The following EBF2 variants were observed in gnomAD, a reference collection of about 807,000 sequenced individuals.
EBF2 encodes EBF transcription factor 2.
A neutral mutation model predicts 72.8 loss-of-function variants in EBF2; 21 were observed. The observed-to-expected ratio is 0.29, with a 90% confidence interval of 0.20 to 0.42. The LOEUF (loss-of-function observed/expected upper bound fraction) is 0.42, where lower values mean the gene tolerates loss of function less well. Ranked by LOEUF, EBF2 falls within the 10% of genes least tolerant of loss-of-function variation. The pLI is 1.00. For missense variants in EBF2, 637 were observed against 731.2 expected, an observed-to-expected ratio of 0.87 and a Z score of 1.49; for synonymous variants, 299 against 274.2, an observed-to-expected ratio of 1.09 and a Z score of -0.89.
Position 26,042,164 on chromosome 8 carries a change from G to C in EBF2, c.219C>G (p.Leu73=). The C allele has an allele frequency of 6.2e-7, 1 of 1,614,204 alleles. No homozygotes were observed. Among genetic ancestry groups the C allele is most frequent in the South Asian group, 1.1e-5 (1 of 91,082 alleles). ...CCACCGGCTGGCCCTGCCTGTCATA[G>C]AGCGCCAGGACGAAGTGAAAGAAGT... The part of the protein sequence containing the change: ...KSNFFHFVLA[L]YDRQGQPVEI... The change falls in exon 2 of 16, where the codon CTC becomes CTG. Residue 73 remains leucine (L), a synonymous_variant. Transcript: ENST00000520164.
chr8:25,846,752 T>G (rs17054451), intron 15 of EBF2, among the ~76,000 whole-genome samples: 2,302 of 152,238 alleles, frequency 0.015, 114 homozygotes, highest in Admixed American at 0.092. Context: ...AAGGGGCTCA[T>G]GTAACAGCAG....
intron 6 of EBF2, among the ~76,000 whole-genome samples, chr8:26,028,293 C>T (rs1244951629): frequency 6.6e-6 from 1 of 152,108 alleles, no homozygotes; most frequent in Non-Finnish European, 1.5e-5. Context: ...AACACATCAA[C>T]ACTTAAAATG....
At chr8:25,907,931 G>A (rs181805100) in intron 7 of EBF2, among the ~76,000 whole-genome samples, 1 of 152,246 alleles carries the variant, frequency 6.6e-6, no homozygotes, top group Non-Finnish European at 1.5e-5. Flanking sequence ...TACATCAGTG[G>A]CAAGGGTGAT....
At chr8:25,971,695 G>C (rs1462843975) in intron 6 of EBF2, among the ~76,000 whole-genome samples, 1 of 152,114 alleles carries the variant, frequency 6.6e-6, no homozygotes, top group Non-Finnish European at 1.5e-5. Context: ...TCTTTGGCTT[G>C]TTACTGGCTA....
chr8:26,026,209 G>A (rs1805300549), intron 6 of EBF2, among the ~76,000 whole-genome samples: 1 of 152,128 alleles, frequency 6.6e-6, no homozygotes, highest in South Asian at 2.1e-4. Flanking sequence ...CCTGGGGCCA[G>A]GTTTCTGTGG....
chr8:25,917,190 TGGTTTGG>T (rs1803231874), intron 6 of EBF2, among the ~76,000 whole-genome samples: 1 of 133,088 alleles, frequency 7.5e-6, no homozygotes, highest in African/African-American at 2.7e-5. Flanking sequence ...TGTGTGTTTG[TGGTTTGG>T]GGTTTTTTTT....
chr8:26,002,821 A>C (rs1804753882), intron 6 of EBF2, among the ~76,000 whole-genome samples: 1 of 149,472 alleles, frequency 6.7e-6, no homozygotes, highest in Non-Finnish European at 1.5e-5. Context: ...GTTAAAGCCA[A>C]CGGGACAGGC....
chr8:26,038,749 G>C (rs1235400080), intron 5 of EBF2, among the ~76,000 whole-genome samples: 1 of 152,264 alleles, frequency 6.6e-6, no homozygotes, highest in South Asian at 2.1e-4. Context: ...ACTCCAGCAA[G>C]GAAGCCTCCA....
At chr8:25,994,696 C>G (rs1016745445) in intron 6 of EBF2, among the ~76,000 whole-genome samples, 1 of 152,152 alleles carries the variant, frequency 6.6e-6, no homozygotes, top group African/African-American at 2.4e-5. Context: ...AGCAGAAAAC[C>G]AAATGCTGCA....
chr8:25,845,472 C>G (rs768617728), intron 15 of EBF2, among the ~76,000 whole-genome samples: 2 of 152,186 alleles, frequency 1.3e-5, no homozygotes, highest in African/African-American at 4.8e-5. Flanking sequence ...GTGATCCACC[C>G]ACCTCAGCCT....
chr8:25,960,194 G>A (rs919745837), intron 6 of EBF2, among the ~76,000 whole-genome samples: 1 of 152,206 alleles, frequency 6.6e-6, no homozygotes, highest in African/African-American at 2.4e-5. Context: ...CTTGCTCAAA[G>A]ATGAAAGAGT....
chr8:26,011,538 T>C (rs1157506600), intron 6 of EBF2, among the ~76,000 whole-genome samples: 1 of 152,000 alleles, frequency 6.6e-6, no homozygotes, highest in East Asian at 1.9e-4. Flanking sequence ...TCCTTCGGTC[T>C]GATGCTGCAA....
chr8:25,907,629 C>CAGGCGAAACATGAGGCGAAACATGAG (rs1445582831), intron 7 of EBF2, among the ~76,000 whole-genome samples: 6 of 151,922 alleles, frequency 3.9e-5, no homozygotes, highest in African/African-American at 1.5e-4. Context: ...TCCAGAACCT[C>CAGGCGAAACATGAGGCGAAACATGAG]GCTTGTCTCA....
chr8:25,906,819 G>A (rs1388371696), intron 7 of EBF2, among the ~76,000 whole-genome samples: 1 of 152,078 alleles, frequency 6.6e-6, no homozygotes, highest in Non-Finnish European at 1.5e-5. Context: ...GAAACAGCCT[G>A]CCCAAGAGAG....
At chr8:25,912,037 C>T (rs9285025) in intron 6 of EBF2, among the ~76,000 whole-genome samples, 80,677 of 151,972 alleles carry the variant, frequency 0.53, 23,897 homozygotes, top group East Asian at 0.74. Flanking sequence ...CCTACATAAC[C>T]TCTAACAATC....
chr8:26,021,538 T>C (rs1463181225), intron 6 of EBF2, among the ~76,000 whole-genome samples: 1 of 152,174 alleles, frequency 6.6e-6, no homozygotes, highest in Non-Finnish European at 1.5e-5. Context: ...TTCAGATAGG[T>C]TTGCCAGATA....
chr8:25,956,456 A>C (rs1242556491), intron 6 of EBF2, among the ~76,000 whole-genome samples: 2 of 152,126 alleles, frequency 1.3e-5, no homozygotes, highest in African/African-American at 2.4e-5. Context: ...TTTAAGGTGC[A>C]CAAGTACTCT....
At chr8:25,889,225 G>C (rs1158956740) in intron 8 of EBF2, among the ~76,000 whole-genome samples, 1 of 152,076 alleles carries the variant, frequency 6.6e-6, no homozygotes, top group Non-Finnish European at 1.5e-5. Context: ...TATCTTCATC[G>C]ATATACTTTA....
At chr8:25,960,399 C>T (rs1804017135) in intron 6 of EBF2, among the ~76,000 whole-genome samples, 1 of 152,210 alleles carries the variant, frequency 6.6e-6, no homozygotes, top group Non-Finnish European at 1.5e-5. Context: ...TGCCCATCAT[C>T]CCAACCATGG....
Sources: allele counts gnomAD v4.1 joint callset (sites outside exome capture counted in the v4.1 genomes callset), GRCh38; gene constraint gnomAD v4.1.1; transcripts MANE v1.5; gene names NCBI Gene and HGNC (gene_info 2026-07-23, HGNC 2026-07-21).